The following DOC2A variants were observed in gnomAD, a reference collection of about 807,000 sequenced individuals.
The protein encoded by DOC2A is double C2-like domain-containing protein alpha.
In DOC2A, 28 loss-of-function variants were observed where a neutral mutation model predicts 40.6. The observed-to-expected ratio is 0.69, with a 90% CI of 0.51 to 0.95. The LOEUF is 0.95. DOC2A is among the 40% of genes least tolerant of loss of function. The pLI is 0.00. For missense variants in DOC2A, 474 were observed against 552.5 expected, an observed-to-expected ratio of 0.86 and a Z score of 1.42; for synonymous variants, 241 against 236.9, an observed-to-expected ratio of 1.02 and a Z score of -0.16.
intron 5 of DOC2A, chr16:30,007,571 C>T (rs2070655212): frequency 1.9e-6 from 1 of 513,544 alleles, no homozygotes; most frequent in South Asian, 2.0e-5. Flanking sequence ...CATTCAGGGC[C>T]TGGGGGCAGG....
In DOC2A at chr16:30,006,158, G is replaced by A; in HGVS notation, c.*28C>T. 3 of 1,557,142 alleles carry A rather than the reference G, an allele frequency of 1.9e-6. No homozygotes were observed. Among genetic ancestry groups the A allele is most frequent in the East Asian group, 2.4e-5 (1 of 42,328 alleles). ...GGTTGGGTACTGGACCCGGCTCGAT[G>A]GGCCTGTGCCGGGACACTGCTGTCC... On this transcript the variant is annotated 3_prime_UTR_variant, in exon 11 of 11. Coordinates refer to ENST00000350119, the MANE Select transcript of DOC2A (RefSeq NM_003586.3). This position sits in a 1 kb window ranked among gnomAD's most constrained non-coding sequence, Gnocchi z 6.2.
chr16:30,008,835 A>C (rs1478757459), intron 5 of DOC2A, 161 bp downstream of exon 5: 3 of 633,018 alleles, frequency 4.7e-6, no homozygotes, highest in Non-Finnish European at 5.7e-6. Context: ...CAGGAATGGC[A>C]GGGAAGAATT....
At chr16:30,016,055 A>ATATATATATTTT (rs1163519904), upstream of DOC2A, among the ~76,000 whole-genome samples, 1 of 16,902 alleles carries the variant, frequency 5.9e-5, no homozygotes, top group Non-Finnish European at 9.5e-5. Flanking sequence ...ATATATATAT[A>ATATATATATTTT]TTTTTTTTTT....
At chr16:30,014,245 A>G (rs888413873), upstream of DOC2A, among the ~76,000 whole-genome samples, 1 of 150,356 alleles carries the variant, frequency 6.7e-6, no homozygotes, top group Admixed American at 6.6e-5. Flanking sequence ...GGACTCAAGC[A>G]ATCCTCCCGC....
rs1177704962 is a variant in DOC2A, at chr16:30,009,569, G to A, written c.263-12C>T. ...CGTGCCTAGGGCGGCTGGAGAGAGA[G>A]GAAAGGCAGCATGGGTCGGTATGGA... On this transcript the variant is annotated splice_polypyrimidine_tract_variant and intron_variant, in intron 2 of 10. Coordinates refer to ENST00000350119, the MANE Select transcript of DOC2A (RefSeq NM_003586.3). This position sits in a 1 kb window ranked among gnomAD's most constrained non-coding sequence, Gnocchi z 4.1. 8 of 1,550,412 alleles carry A rather than the reference G, an allele frequency of 5.2e-6. No individual in the cohort carries two copies. Among genetic ancestry groups the A allele is most frequent in the Non-Finnish European group, 7.0e-6 (8 of 1,146,762 alleles).
chr16:30,006,073 A>G lies in DOC2A; in HGVS notation c.*113T>C, dbSNP rs2070573940. The G allele has an allele frequency of 8.0e-7, 1 of 1,251,956 alleles. No individual in the cohort carries two copies. Among genetic ancestry groups the G allele is most frequent in the African/African-American group, 1.5e-5 (1 of 66,136 alleles). 77.6% of individuals were successfully genotyped at this position (1,251,956 alleles called of 1,614,324 possible). ...ACCCGGGTCACGGAGACTCACAAAA[A>G]TAGGTAGTGCAGGGTGGGGGCAGCC... On this transcript the variant is annotated 3_prime_UTR_variant, in exon 11 of 11. Transcript: ENST00000350119. This position sits in a 1 kb window ranked among gnomAD's most constrained non-coding sequence, Gnocchi z 6.2.
At position 30,009,043 on chromosome 16, in the gene DOC2A, C is replaced by G. The variant is rs759227165; in HGVS notation, c.480G>C (p.Leu160=). The change falls in exon 5 of 11, where the codon CTG becomes CTC. Residue 160 remains leucine, a synonymous_variant. Coordinates refer to ENST00000350119, the MANE Select transcript of DOC2A (RefSeq NM_003586.3). This position sits in a 1 kb window ranked among gnomAD's most constrained non-coding sequence, Gnocchi z 4.1. Reference sequence around the variant, plus strand: ...CGTCATCTGTGATCCCGCTGTAAGTCAGGTCCTCATTCCACACGGGATTCA... The same window carrying G: ...CGTCATCTGTGATCCCGCTGTAAGTGAGGTCCTCATTCCACACGGGATTCA... ...NTLNPVWNED[L]TYSGITDDDI... is the part of the protein sequence containing the mutation. 36 of 1,614,020 alleles carry G rather than the reference C, an allele frequency of 2.2e-5. No individual in the cohort carries two copies. The highest frequency in any genetic ancestry group is 1.1e-5 in the South Asian group (1 of 91,070).
chr16:30,011,329 C>T (rs2070774979), upstream of DOC2A: 3 of 984,988 alleles, frequency 3.0e-6, no homozygotes, highest in South Asian at 4.7e-5. Flanking sequence ...GGCACACTTA[C>T]CCGGAGAACT....
intron 1 of DOC2A, among the ~76,000 whole-genome samples, chr16:30,020,924 A>G (rs1291778328): frequency 6.6e-6 from 1 of 151,966 alleles, no homozygotes; most frequent in East Asian, 1.9e-4. Context: ...TGGGAGGCTG[A>G]GGTGAGAGGA....
rs1315131951 is a variant in DOC2A at position 30,006,422 on chromosome 16, C to T, written c.1048G>A (p.Asp350Asn). The T allele has an allele frequency of 6.2e-7, 1 of 1,613,636 alleles. No individual in the cohort carries two copies. The highest frequency in any genetic ancestry group is 2.2e-5 in the East Asian group (1 of 44,834). ...CCAGCTCCTCCCTCACCAATGAAGT[C>T]ATTGGATTTGCCAATGTCATAGTCC... ...VWDYDIGKSN[D>N]FIGGVSLGPG... is the part of the protein sequence containing the mutation. Residue 350 changes from aspartate (D) to asparagine (N), a missense_variant, in exon 10 of 11, where the codon GAC (aspartate) becomes AAC (asparagine). Transcript: ENST00000350119. The surrounding 1 kb of genome is among the most constrained non-coding windows in gnomAD (Gnocchi z 6.2).
rs1349840227 is a variant in DOC2A, at chr16:30,010,832, C to T, written c.-14+71G>A. The T allele has an allele frequency of 7.2e-6, 7 of 973,776 alleles. No individual in the cohort carries two copies. In the East Asian group the frequency reaches 4.5e-4, roughly 62 times the overall value. 60.3% of individuals were successfully genotyped at this position (973,776 alleles called of 1,614,324 possible). Reference sequence around the variant, plus strand: ...CAGCCGCAGGAGAGCCGAACACCCCCGTAGCGCACACAGGCTGGCACGCTT... The same window carrying T: ...CAGCCGCAGGAGAGCCGAACACCCCTGTAGCGCACACAGGCTGGCACGCTT... On this transcript the variant is annotated intron_variant, in intron 1 of 10. Transcript: ENST00000350119. The surrounding 1 kb of genome is among the most constrained non-coding windows in gnomAD (Gnocchi z 4.2).
At chr16:30,016,056 T>TATATATATATATATATATATATA (rs1491508395), upstream of DOC2A, among the ~76,000 whole-genome samples, 1 of 12,646 alleles carries the variant, frequency 7.9e-5, no homozygotes, top group African/African-American at 3.4e-4. Flanking sequence ...TATATATATA[T>TATATATATATATATATATATATA]TTTTTTTTTT....
chr16:30,008,629 G>A (rs1023515887), intron 5 of DOC2A: 14 of 284,090 alleles, frequency 4.9e-5, no homozygotes, highest in South Asian at 4.4e-4. Context: ...TCAGCCTCTC[G>A]AGTAGCTGGG....
rs770068218 is a variant in DOC2A at position 30,010,068 on chromosome 16, G to A, written c.155C>T (p.Ala52Val). 10 of 1,604,154 alleles carry A rather than the reference G, an allele frequency of 6.2e-6. No individual in the cohort carries two copies. The highest frequency in any genetic ancestry group is 1.3e-5 in the African/African-American group (1 of 74,932). ...PEGGGGGGGE[A>V]PAHLVPLALA... ...AGCCAGGGGGACCAGATGGGCGGGG[G>A]CCTCCCCGCCGCCCCCGCCGCCCCC... is the stretch of plus-strand genomic sequence containing the variant. The change falls in exon 2 of 11, where the codon GCC becomes GTC. Residue 52 changes from alanine (A) to valine (V), a missense_variant. Coordinates refer to ENST00000350119, the MANE Select transcript of DOC2A (RefSeq NM_003586.3). This position sits in a 1 kb window ranked among gnomAD's most constrained non-coding sequence, Gnocchi z 4.2.
In DOC2A at chr16:30,009,167, G is replaced by A. The variant is rs763591269; in HGVS notation, c.417+35C>T. ...CTCCAGCCCCACAGGCTGGAGTCAT[G>A]GGCTGGGCCGGGCGGGGCGAGAGGA... is the stretch of plus-strand genomic sequence containing the variant. On this transcript the variant is annotated intron_variant, in intron 4 of 10. Coordinates refer to ENST00000350119, the MANE Select transcript of DOC2A (RefSeq NM_003586.3). The surrounding 1 kb of genome is among the most constrained non-coding windows in gnomAD (Gnocchi z 4.1). 15 of 1,610,830 alleles carry A rather than the reference G, an allele frequency of 9.3e-6. No individual in the cohort carries two copies. Among genetic ancestry groups the A allele is most frequent in the Non-Finnish European group, 7.6e-6 (9 of 1,177,904 alleles).
chr16:30,011,046 G>C (rs2070765913), upstream of DOC2A: 5 of 984,390 alleles, frequency 5.1e-6, no homozygotes, highest in South Asian at 2.3e-4. Context: ...GGGGGTGAGC[G>C]AGGTGGAGGC....
Position 30,006,065 on chromosome 16 carries a change from T to C in DOC2A, c.*121A>G, listed in dbSNP as rs2070573758. 1.7e-6 allele frequency: 2 copies of C among 1,181,750 alleles called. No homozygotes were observed. The highest frequency in any genetic ancestry group is 1.2e-6 in the Non-Finnish European group (1 of 862,144). 73.2% of individuals were successfully genotyped at this position (1,181,750 alleles called of 1,614,324 possible). ...GCAGACAGACCCGGGTCACGGAGAC[T>C]CACAAAAATAGGTAGTGCAGGGTGG... On this transcript the variant is annotated 3_prime_UTR_variant, in exon 11 of 11. Coordinates refer to ENST00000350119, the MANE Select transcript of DOC2A (RefSeq NM_003586.3). The surrounding 1 kb of genome is among the most constrained non-coding windows in gnomAD (Gnocchi z 6.2).
chr16:30,021,207 A>C (rs1184364054), exon 1 of DOC2A: 1 of 152,040 alleles, frequency 6.6e-6, no homozygotes, highest in African/African-American at 2.4e-5. Context: ...GGGTTGCGGC[A>C]GAGCACCTCA....
At position 30,018,215 on chromosome 16, in the gene DOC2A, T is replaced by C. The variant is rs2070875996; in HGVS notation, c.-376+2968A>G. Among the ~76,000 whole-genome samples the C allele has an allele frequency of 2.9e-5, 4 of 138,852 alleles. No homozygotes were observed. The South Asian group carries it at 9.1e-4, about 32-fold the overall frequency. 91.1% of individuals were successfully genotyped at this position (138,852 alleles called of 152,430 possible). On this transcript the variant is annotated intron_variant, in intron 1 of 5. Coordinates refer to the DOC2A transcript ENST00000574405. ...GGATTGCTTGAGCCTGGGAGGTCGA[T>C]GCTGCAGTGAGCTATGATTGCACCA...
Sources: allele counts gnomAD v4.1 joint callset (sites outside exome capture counted in the v4.1 genomes callset), GRCh38; gene constraint gnomAD v4.1.1; non-coding constraint Gnocchi (gnomAD v3.1); transcripts MANE v1.5; gene names NCBI Gene and HGNC (gene_info 2026-07-23, HGNC 2026-07-21).